The following B3GAT2 variants were observed in gnomAD, a reference collection of about 807,000 sequenced individuals.
B3GAT2 encodes galactosylgalactosylxylosylprotein 3-beta-glucuronosyltransferase 2.
Under a neutral mutation model 27.8 loss-of-function variants are expected in B3GAT2, and 26 were observed. The observed-to-expected ratio is 0.93, with a 90% CI of 0.68 to 1.30. B3GAT2 has a LOEUF of 1.30. Ranked by LOEUF, B3GAT2 falls within the 50% of genes most tolerant of loss-of-function variation. The probability of loss-of-function intolerance (pLI) is 0.00; values close to 1 mark genes in which losing one functional copy is unlikely to be tolerated. For synonymous variants in B3GAT2, 218 were observed against 195.1 expected (o/e 1.12, Z -0.98); for missense variants, 458 against 459.0 (o/e 1.00, Z 0.02).
intron 1 of B3GAT2, among the ~76,000 whole-genome samples, chr6:70,955,540 T>A (rs1358938629): frequency 6.6e-6 from 1 of 151,798 alleles, no homozygotes; most frequent in Non-Finnish European, 1.5e-5. Context: ...TGGAAATCAT[T>A]CCCGCGCCTC....
chr6:70,861,580 G>C lies in B3GAT2; in HGVS notation c.*83C>G. 7.9e-7 allele frequency: 1 copy of C among 1,263,378 alleles called. No individual in the cohort carries two copies. Among genetic ancestry groups the C allele is most frequent in the Non-Finnish European group, 1.1e-6 (1 of 882,586 alleles). The allele number at this position is 1,263,378 out of a possible 1,614,324, so 78.3% of individuals were successfully genotyped here. On this transcript the variant is annotated 3_prime_UTR_variant, in exon 4 of 4. Coordinates refer to ENST00000230053, the MANE Select transcript of B3GAT2 (RefSeq NM_080742.3). ...TACTGAAGTAAAACAAACAATACCTGAATGCTCTGTAGCCTAAACTCCAAA... is the reference window on the plus strand; with the variant it reads ...TACTGAAGTAAAACAAACAATACCTCAATGCTCTGTAGCCTAAACTCCAAA...
At chr6:70,927,115 C>T (rs1311052631) in intron 1 of B3GAT2, among the ~76,000 whole-genome samples, 1 of 152,138 alleles carries the variant, frequency 6.6e-6, no homozygotes, top group South Asian at 2.1e-4. Context: ...CCTTTACAGA[C>T]AAGCAAATGC....
chr6:70,882,403 A>C (rs1347019589), intron 2 of B3GAT2, among the ~76,000 whole-genome samples: 2 of 152,202 alleles, frequency 1.3e-5, no homozygotes, highest in African/African-American at 4.8e-5. Flanking sequence ...CAGGAGGCTG[A>C]GGCAGGAGAA....
intron 1 of B3GAT2, among the ~76,000 whole-genome samples, chr6:70,929,049 T>C (rs1309257290): frequency 6.6e-6 from 1 of 152,214 alleles, no homozygotes; most frequent in Non-Finnish European, 1.5e-5. Flanking sequence ...GATGAGTTCA[T>C]GTCCTTTGTA....
At chr6:70,864,424 T>C (rs908043599) in intron 2 of B3GAT2, among the ~76,000 whole-genome samples, 6 of 152,160 alleles carry the variant, frequency 3.9e-5, no homozygotes, top group Non-Finnish European at 4.4e-5. Context: ...TATACATCAT[T>C]TTGCAGCAAG....
At chr6:70,933,013 T>G (rs1773084847) in intron 1 of B3GAT2, among the ~76,000 whole-genome samples, 1 of 152,164 alleles carries the variant, frequency 6.6e-6, no homozygotes, top group South Asian at 2.1e-4. Context: ...TTACCCAAGC[T>G]GGTCTCGAAC....
At chr6:70,869,820 G>A (rs569618512) in intron 2 of B3GAT2, among the ~76,000 whole-genome samples, 1 of 152,282 alleles carries the variant, frequency 6.6e-6, no homozygotes, top group Non-Finnish European at 1.5e-5. Flanking sequence ...TCAGAGAAAT[G>A]CAAATCAAAA....
At chr6:70,905,831 CATA>C (rs1370889974) in intron 1 of B3GAT2, among the ~76,000 whole-genome samples, 1 of 152,130 alleles carries the variant, frequency 6.6e-6, no homozygotes, top group Admixed American at 6.5e-5. Context: ...GACTTGAAAG[CATA>C]ATAATACTTT....
intron 2 of B3GAT2, 120 bp downstream of exon 2, chr6:70,894,008 A>T: frequency 9.2e-7 from 1 of 1,083,360 alleles, no homozygotes; most frequent in Non-Finnish European, 1.3e-6. Context: ...CCTGAATATG[A>T]TATGATGTAG....
chr6:70,944,499 G>A (rs1311512655), intron 1 of B3GAT2, among the ~76,000 whole-genome samples: 2 of 152,160 alleles, frequency 1.3e-5, no homozygotes, highest in African/African-American at 4.8e-5. Context: ...CGACTGCAAG[G>A]CGGCAGCGAG....
In B3GAT2 at chr6:70,946,726, C is replaced by T. The variant is rs959200338; in HGVS notation, c.591+9113G>A. The stretch of plus-strand genomic sequence containing the variant: ...GAATTGAACTCAGCTCTGCACCAAG[C>T]GGACCTAATACACATCTAAAGAACT... On this transcript the variant is annotated intron_variant, in intron 1 of 3. Transcript: ENST00000230053. Among the ~76,000 whole-genome samples, 20 of 152,092 alleles carry T rather than the reference C, an allele frequency of 1.3e-4. No individual in the cohort carries two copies. The East Asian group carries it at 1.5e-3, about 12-fold the overall frequency.
chr6:70,950,864 A>T (rs1310636402), intron 1 of B3GAT2, among the ~76,000 whole-genome samples: 1 of 152,208 alleles, frequency 6.6e-6, no homozygotes, highest in Non-Finnish European at 1.5e-5. Flanking sequence ...AATTTATGTC[A>T]ACTATATTTT....
At chr6:70,878,096 T>A (rs554745012) in intron 2 of B3GAT2, among the ~76,000 whole-genome samples, 2 of 152,362 alleles carry the variant, frequency 1.3e-5, no homozygotes, top group African/African-American at 4.8e-5. Flanking sequence ...TGATACAGTT[T>A]CAATTTTTAT....
chr6:70,884,546 A>C (rs1187847728), intron 2 of B3GAT2, among the ~76,000 whole-genome samples: 3 of 152,164 alleles, frequency 2.0e-5, no homozygotes, highest in Non-Finnish European at 4.4e-5. Flanking sequence ...GGACACTGAC[A>C]TGAGCGCCAC....
At chr6:70,887,690 G>A (rs1477856111) in intron 2 of B3GAT2, among the ~76,000 whole-genome samples, 1 of 152,188 alleles carries the variant, frequency 6.6e-6, no homozygotes, top group Non-Finnish European at 1.5e-5. Context: ...AGGTATGGGA[G>A]GCTGAGAGAA....
intron 2 of B3GAT2, among the ~76,000 whole-genome samples, chr6:70,880,426 T>C (rs1772083340): frequency 6.6e-6 from 1 of 152,120 alleles, no homozygotes; most frequent in Middle Eastern, 3.2e-3. Context: ...TCTGAGGAAG[T>C]AGCAGAGCCC....
At chr6:70,931,211 C>A (rs1194320203) in intron 1 of B3GAT2, among the ~76,000 whole-genome samples, 1 of 151,960 alleles carries the variant, frequency 6.6e-6, no homozygotes, top group Non-Finnish European at 1.5e-5. Context: ...GAAGGGATAG[C>A]ATTAGGAGAA....
intron 2 of B3GAT2, among the ~76,000 whole-genome samples, chr6:70,862,201 G>C (rs1771766412): frequency 6.6e-6 from 1 of 152,130 alleles, no homozygotes; most frequent in Non-Finnish European, 1.5e-5. Context: ...GTGCACAGGA[G>C]CATCTACGCA....
chr6:70,896,672 G>A (rs1772392503), intron 1 of B3GAT2, among the ~76,000 whole-genome samples: 2 of 152,174 alleles, frequency 1.3e-5, no homozygotes, highest in African/African-American at 2.4e-5. Context: ...GTGTGTATGT[G>A]TAAATATAGC....
Sources: allele counts gnomAD v4.1 joint callset (sites outside exome capture counted in the v4.1 genomes callset), GRCh38; gene constraint gnomAD v4.1.1; transcripts MANE v1.5; gene names NCBI Gene and HGNC (gene_info 2026-07-23, HGNC 2026-07-21).